The following ADGRB3 variants were observed in gnomAD, a reference collection of about 807,000 sequenced individuals.
The protein encoded by ADGRB3 is adhesion G protein-coupled receptor B3, also known as brain-specific angiogenesis inhibitor 3.
ADGRB3 carries 37 observed loss-of-function variants against 193.4 expected under a neutral mutation model. The observed-to-expected ratio is 0.19, with a 90% CI of 0.15 to 0.25. The LOEUF is 0.25. Among genes scored for constraint, ADGRB3 ranks in the 10% least tolerant of loss-of-function variants. The pLI is 1.00. For synonymous variants in ADGRB3, 690 were observed against 644.2 expected, an observed-to-expected ratio of 1.07 and a Z score of -1.08; for missense variants, 1,637 against 1,852.9, an observed-to-expected ratio of 0.88 and a Z score of 2.14.
chr6:69,018,775 A>G (rs1428150881), intron 13 of ADGRB3, among the ~76,000 whole-genome samples: 2 of 151,816 alleles, frequency 1.3e-5, no homozygotes, highest in Non-Finnish European at 2.9e-5. Context: ...GATAATATGT[A>G]TTTATTTTTT....
Position 69,000,093 on chromosome 6 carries a change from T to C in ADGRB3, c.1929+6131T>C, listed in dbSNP as rs143492370. Among the ~76,000 whole-genome samples, 246 of 152,348 alleles carry C rather than the reference T, an allele frequency of 1.6e-3. 1 individual carries two copies. Among genetic ancestry groups the C allele is most frequent in the South Asian group, 7.0e-3 (34 of 4,830 alleles). On this transcript the variant is annotated intron_variant, in intron 11 of 31. Coordinates refer to ENST00000370598, the MANE Select transcript of ADGRB3 (RefSeq NM_001704.3). ...AACTTTAAGACTTAATAAAATTTAATCAGACATATTTAAAATCAAATTTCA... is the reference window on the plus strand; with the variant it reads ...AACTTTAAGACTTAATAAAATTTAACCAGACATATTTAAAATCAAATTTCA...
chr6:68,865,153 T>C (rs1765260890), intron 3 of ADGRB3, among the ~76,000 whole-genome samples: 1 of 152,104 alleles, frequency 6.6e-6, no homozygotes, highest in African/African-American at 2.4e-5. Context: ...TGAGTCTTGT[T>C]TCACCCCCAG....
At chr6:68,696,580 C>G (rs946188341) in intron 3 of ADGRB3, among the ~76,000 whole-genome samples, 8 of 151,746 alleles carry the variant, frequency 5.3e-5, no homozygotes, top group African/African-American at 1.7e-4. Context: ...TGAGCTCCTT[C>G]TAGGACATTT....
intron 3 of ADGRB3, among the ~76,000 whole-genome samples, chr6:68,677,867 A>T (rs1173235278): frequency 1.3e-5 from 2 of 152,128 alleles, no homozygotes; most frequent in Non-Finnish European, 2.9e-5. Flanking sequence ...AAAGTGAGGA[A>T]TTTTTAAAGG....
At chr6:68,726,867 A>G (rs1456643924) in intron 3 of ADGRB3, among the ~76,000 whole-genome samples, 1 of 151,434 alleles carries the variant, frequency 6.6e-6, no homozygotes, top group Non-Finnish European at 1.5e-5. Context: ...TCTAACCCCA[A>G]CTGTGATATA....
chr6:68,664,883 C>A (rs956189912), intron 3 of ADGRB3, among the ~76,000 whole-genome samples: 4 of 151,818 alleles, frequency 2.6e-5, no homozygotes, highest in Non-Finnish European at 1.5e-5. Flanking sequence ...GAGAGTGTGG[C>A]TGACAGTGAG....
chr6:69,005,149 AATCATATTTAAT>A (rs1769709217), intron 11 of ADGRB3, among the ~76,000 whole-genome samples: 1 of 152,050 alleles, frequency 6.6e-6, no homozygotes, highest in Non-Finnish European at 1.5e-5. Context: ...CTGGGGAAAA[AATCATATTTAAT>A]GGTGTTAGTA....
chr6:68,989,456 CAT>C (rs1374073014), intron 10 of ADGRB3, among the ~76,000 whole-genome samples: 1 of 152,098 alleles, frequency 6.6e-6, no homozygotes, highest in African/African-American at 2.4e-5. Flanking sequence ...TACCAGGATC[CAT>C]CTCGTGTCTA....
intron 3 of ADGRB3, among the ~76,000 whole-genome samples, chr6:68,712,173 C>G (rs1488810891): frequency 6.6e-6 from 1 of 151,850 alleles, no homozygotes; most frequent in Non-Finnish European, 1.5e-5. Context: ...AGGAGTTGGA[C>G]AGAGGCTTAA....
At chr6:68,652,853 G>A (rs993732014) in intron 3 of ADGRB3, among the ~76,000 whole-genome samples, 2 of 151,922 alleles carry the variant, frequency 1.3e-5, no homozygotes, top group East Asian at 3.9e-4. Context: ...ATCCTTAACC[G>A]AAGACATGTT....
At chr6:68,818,540 G>A (rs1439625179) in intron 3 of ADGRB3, among the ~76,000 whole-genome samples, 1 of 151,984 alleles carries the variant, frequency 6.6e-6, no homozygotes, top group Non-Finnish European at 1.5e-5. Context: ...GGTTTAACTA[G>A]CATGAATTTT....
At chr6:69,266,660 A>G (rs1415555152) in intron 20 of ADGRB3, among the ~76,000 whole-genome samples, 5 of 152,066 alleles carry the variant, frequency 3.3e-5, no homozygotes, top group African/African-American at 1.2e-4. Flanking sequence ...ATACACAGAT[A>G]TATACACACA....
At chr6:68,868,309 G>A (rs1003867162) in intron 3 of ADGRB3, among the ~76,000 whole-genome samples, 18 of 152,096 alleles carry the variant, frequency 1.2e-4, no homozygotes, top group Admixed American at 1.2e-3. Flanking sequence ...ACCACGTAAG[G>A]TGTGTCTTTC....
At chr6:69,332,455 T>G (rs373707679) in intron 23 of ADGRB3, 9 of 985,294 alleles carry the variant, frequency 9.1e-6, no homozygotes, top group East Asian at 1.1e-4. Context: ...ATGAGGAATT[T>G]AAGCATTCTG....
At chr6:69,068,728 A>C (rs1333206421) in intron 16 of ADGRB3, among the ~76,000 whole-genome samples, 2 of 152,202 alleles carry the variant, frequency 1.3e-5, no homozygotes, top group African/African-American at 4.8e-5. Flanking sequence ...CATCTATAAA[A>C]ATAGTGTCAT....
intron 3 of ADGRB3, among the ~76,000 whole-genome samples, chr6:68,767,438 A>T (rs924211795): frequency 6.6e-6 from 1 of 152,184 alleles, no homozygotes; most frequent in Non-Finnish European, 1.5e-5. Context: ...AATGACAAAA[A>T]CTACATGATT....
rs368847469 is a variant in ADGRB3, at chr6:68,955,290, T to G, written c.1196-734T>G. ...GTCTTATCTCACAATGTCCTGAAACTATCCTTTGCAACACTGCCATGTAAT... is the reference window on the plus strand; with the variant it reads ...GTCTTATCTCACAATGTCCTGAAACGATCCTTTGCAACACTGCCATGTAAT... On this transcript the variant is annotated intron_variant, in intron 6 of 31. Coordinates refer to ENST00000370598, the MANE Select transcript of ADGRB3 (RefSeq NM_001704.3). Among the ~76,000 whole-genome samples, 7 of 152,358 alleles carry G rather than the reference T, an allele frequency of 4.6e-5. No homozygotes were observed. In the East Asian group the frequency reaches 1.2e-3, roughly 25 times the overall value.
intron 10 of ADGRB3, among the ~76,000 whole-genome samples, chr6:68,989,513 G>A (rs1041923156): frequency 6.6e-6 from 1 of 152,092 alleles, no homozygotes; most frequent in Admixed American, 6.6e-5. Context: ...CTAGCATTTC[G>A]AGAAATTGGA....
Position 69,048,216 on chromosome 6 carries a change from T to C in ADGRB3, c.2139T>C (p.Ser713=). ...VASIQKLPAA[S]VLTDINFPMK... Reference sequence around the variant, plus strand: ...GTATTCAGAAGCTTCCTGCAGCCTCTGTTCTAACAGACATCAACTTTCCAA... The same window carrying C: ...GTATTCAGAAGCTTCCTGCAGCCTCCGTTCTAACAGACATCAACTTTCCAA... Residue 713 remains serine, a synonymous_variant, in exon 14 of 32, where the codon TCT becomes TCC. Transcript: ENST00000370598. 6.2e-7 allele frequency: 1 copy of C among 1,612,770 alleles called. No homozygotes were observed. The highest frequency in any genetic ancestry group is 2.2e-5 in the East Asian group (1 of 44,790).
Sources: gnomAD v4.1 joint callset for allele counts (sites outside exome capture counted in the v4.1 genomes callset) on GRCh38, gnomAD v4.1.1 for gene constraint, MANE v1.5 for transcripts, NCBI Gene and HGNC (gene_info 2026-07-23, HGNC 2026-07-21) for gene names.